DNM3: variants seen among roughly 807,000 people sequenced by gnomAD.
DNM3 encodes dynamin-3.
Under a neutral mutation model 101.6 loss-of-function variants are expected in DNM3, and 47 were observed. The ratio of observed to expected loss-of-function variants is 0.46; its 90% CI spans 0.37 to 0.59. DNM3 has a LOEUF of 0.59. Ranked by LOEUF, DNM3 falls within the 20% of genes least tolerant of loss-of-function variation. The pLI is 0.00. For synonymous variants in DNM3, 385 were observed against 387.9 expected, an observed-to-expected ratio of 0.99 and a Z score of 0.09; for missense variants, 849 against 1,085.7, an observed-to-expected ratio of 0.78 and a Z score of 3.06.
chr1:172,049,530 A>T (rs1263191740), intron 10 of DNM3, among the ~76,000 whole-genome samples: 2 of 152,064 alleles, frequency 1.3e-5, no homozygotes, highest in Non-Finnish European at 2.9e-5. Flanking sequence ...AAGTAGGAGG[A>T]CTCCTCACTG....
Position 172,071,086 on chromosome 1 carries a change from C to CATATATATATATATATAT in DNM3, c.1422+2198_1422+2215dup, listed in dbSNP as rs56255511. Among the ~76,000 whole-genome samples the CATATATATATATATATAT allele has an allele frequency of 3.6e-3, 237 of 65,032 alleles. 1 individual carries two copies. Among genetic ancestry groups the CATATATATATATATATAT allele is most frequent in the East Asian group, 5.5e-3 (8 of 1,450 alleles). 42.7% of individuals were successfully genotyped at this position (65,032 alleles called of 152,430 possible). A position where few individuals can be genotyped will look rare whatever the true frequency, so the allele number is the denominator to read the frequency against. ...GCCTGGGTGACAGAGCAAGACCCTG[C>CATATATATATATATATAT]ATATATATATATATATATATATATA... On this transcript the variant is annotated intron_variant, in intron 11 of 20. Coordinates refer to ENST00000627582, the MANE Select transcript of DNM3 (RefSeq NM_015569.5).
intron 14 of DNM3, among the ~76,000 whole-genome samples, chr1:172,219,584 A>G (rs520918): frequency 0.63 from 95,671 of 151,836 alleles, 32,623 homozygotes; most frequent in African/African-American, 0.91. Flanking sequence ...GAACTGTAGG[A>G]GAGGGAAGAG....
chr1:171,898,720 A>AGAG (rs2038037272), intron 1 of DNM3, among the ~76,000 whole-genome samples: 2 of 150,174 alleles, frequency 1.3e-5, no homozygotes, highest in Non-Finnish European at 3.0e-5. Context: ...AGAGAGAGAG[A>AGAG]AATCATATTG....
intron 13 of DNM3, among the ~76,000 whole-genome samples, chr1:172,121,387 A>G (rs1006150943): frequency 6.6e-6 from 1 of 152,268 alleles, no homozygotes; most frequent in African/African-American, 2.4e-5. Flanking sequence ...TCTGGGAAGC[A>G]ATAAGAAGAG....
intron 13 of DNM3, among the ~76,000 whole-genome samples, chr1:172,102,101 A>AC (rs1161818243): frequency 6.6e-6 from 1 of 151,588 alleles, no homozygotes; most frequent in Non-Finnish European, 1.5e-5. Context: ...CAGGTGATCT[A>AC]CCCACCTCGG....
intron 10 of DNM3, among the ~76,000 whole-genome samples, chr1:172,062,482 T>C (rs1270075329): frequency 6.6e-6 from 1 of 152,206 alleles, no homozygotes; most frequent in East Asian, 1.9e-4. Flanking sequence ...AGAGTTCTCT[T>C]CATTTCTCTG....
At chr1:172,066,561 G>A (rs75090591) in intron 10 of DNM3, among the ~76,000 whole-genome samples, 9,794 of 152,046 alleles carry the variant, frequency 0.064, 619 homozygotes, top group East Asian at 0.16. Flanking sequence ...AGCCTTCATG[G>A]CCCAATCACC....
intron 4 of DNM3, among the ~76,000 whole-genome samples, chr1:172,000,956 A>C (rs532985998): frequency 6.6e-6 from 1 of 152,178 alleles, no homozygotes; most frequent in East Asian, 1.9e-4. Flanking sequence ...ATGATGTAGA[A>C]GAGAAATTAA....
At chr1:172,287,564 A>G (rs1375370992) in intron 15 of DNM3, among the ~76,000 whole-genome samples, 2 of 152,006 alleles carry the variant, frequency 1.3e-5, no homozygotes, top group African/African-American at 4.8e-5. Flanking sequence ...TTAATTTTCT[A>G]TTCATGTTTT....
At chr1:171,928,198 T>C (rs2040728271) in intron 2 of DNM3, among the ~76,000 whole-genome samples, 1 of 152,178 alleles carries the variant, frequency 6.6e-6, no homozygotes, top group African/African-American at 2.4e-5. Context: ...TCCTCAGTTA[T>C]GTGGCTCCCC....
At chr1:172,283,825 G>T (rs1368262875) in intron 15 of DNM3, among the ~76,000 whole-genome samples, 1 of 148,942 alleles carries the variant, frequency 6.7e-6, no homozygotes, top group Non-Finnish European at 1.5e-5. Context: ...ATTTTATTGA[G>T]ATGTAAGAGG....
At chr1:172,040,276 A>G (rs1334951726) in intron 7 of DNM3, among the ~76,000 whole-genome samples, 1 of 152,200 alleles carries the variant, frequency 6.6e-6, no homozygotes, top group Non-Finnish European at 1.5e-5. Flanking sequence ...GAACATAACT[A>G]AATCCAATTA....
chr1:172,275,516 T>C (rs1415173051), intron 15 of DNM3, among the ~76,000 whole-genome samples: 1 of 152,026 alleles, frequency 6.6e-6, no homozygotes, highest in Admixed American at 6.6e-5. Context: ...GTTGTTGACA[T>C]TTCAACCTTC....
intron 20 of DNM3, among the ~76,000 whole-genome samples, chr1:172,394,597 G>GTCAT (rs1416366786): frequency 6.6e-6 from 1 of 152,176 alleles, no homozygotes; most frequent in Non-Finnish European, 1.5e-5. Flanking sequence ...AAATAGCTCT[G>GTCAT]TCATTGTTCT....
Position 172,387,249 on chromosome 1 carries a change from G to C in DNM3, c.2175G>C (p.Met725Ile), listed in dbSNP as rs753122731. The change falls in exon 19 of 21, where the codon ATG becomes ATC. Residue 725 changes from methionine to isoleucine, a missense_variant. By Grantham distance (10) the Met-to-Ile change is conservative. Coordinates refer to ENST00000627582, the MANE Select transcript of DNM3 (RefSeq NM_015569.5). The stretch of plus-strand genomic sequence containing the variant: ...AGCGCCGGGATGAGATGCTTCGAAT[G>C]TATCAAGCACTGAAAGAAGCCCTTG... ...QAQRRDEMLR[M>I]YQALKEALGI... is the part of the protein sequence containing the mutation. 3 of 1,613,962 alleles carry C rather than the reference G, an allele frequency of 1.9e-6. No individual in the cohort carries two copies. The highest frequency in any genetic ancestry group is 2.2e-5 in the East Asian group (1 of 44,882).
At chr1:172,150,654 C>T (rs1451092322) in intron 14 of DNM3, among the ~76,000 whole-genome samples, 3 of 152,148 alleles carry the variant, frequency 2.0e-5, no homozygotes, top group East Asian at 1.9e-4. Flanking sequence ...GAGGTAGTGT[C>T]GTGTGGGTAT....
At chr1:171,928,767 A>G (rs1414458162) in intron 2 of DNM3, among the ~76,000 whole-genome samples, 1 of 152,182 alleles carries the variant, frequency 6.6e-6, no homozygotes, top group African/African-American at 2.4e-5. Context: ...GCTCTGGCGC[A>G]GGGTGGCTGG....
At position 172,201,602 on chromosome 1, in the gene DNM3, G is replaced by A. The variant is rs567496939; in HGVS notation, c.1660-51971G>A. ...TGTGGGACCCATGGGAGATGGATTG[G>A]CCTCCTCTCCTTGGGTTGACTACAG... On this transcript the variant is annotated intron_variant, in intron 14 of 20. Coordinates refer to ENST00000627582, the MANE Select transcript of DNM3 (RefSeq NM_015569.5). 1.1e-4 allele frequency among the ~76,000 whole-genome samples: 17 copies of A among 152,318 alleles called. No individual in the cohort carries two copies. The East Asian group carries it at 2.3e-3, about 21-fold the overall frequency.
chr1:172,069,255 A>G (rs2051962447), intron 11 of DNM3, among the ~76,000 whole-genome samples: 1 of 152,218 alleles, frequency 6.6e-6, no homozygotes, highest in South Asian at 2.1e-4. Flanking sequence ...TCTTTAAGAC[A>G]GAGGTTCTTA....
Sources: gnomAD v4.1 joint callset for allele counts (sites outside exome capture counted in the v4.1 genomes callset) on GRCh38, gnomAD v4.1.1 for gene constraint, MANE v1.5 for transcripts, NCBI Gene and HGNC (gene_info 2026-07-23, HGNC 2026-07-21) for gene names.